The following KIF9 variants were observed in gnomAD, a reference collection of about 807,000 sequenced individuals.
KIF9 encodes kinesin family member 9, also known as kinesin-like protein KIF9.
Under a neutral mutation model 94.8 loss-of-function variants are expected in KIF9, and 68 were observed. That is an observed-to-expected ratio of 0.72 (90% CI 0.59 to 0.88). KIF9 has a LOEUF of 0.88. Among genes scored for constraint, KIF9 ranks in the 40% least tolerant of loss-of-function variants. The pLI is 0.00. For missense variants in KIF9, 882 were observed against 982.5 expected (o/e 0.90, Z 1.37); for synonymous variants, 343 against 362.1 (o/e 0.95, Z 0.60).
At chr3:47,261,944 AAT>A (rs1701001145) in intron 9 of KIF9, among the ~76,000 whole-genome samples, 1 of 152,216 alleles carries the variant, frequency 6.6e-6, no homozygotes, top group Non-Finnish European at 1.5e-5. Context: ...CCATGATGAG[AAT>A]AGTTTTAAAG....
At chr3:47,251,704 C>T (rs1399551638) in intron 10 of KIF9, among the ~76,000 whole-genome samples, 3 of 152,190 alleles carry the variant, frequency 2.0e-5, no homozygotes, top group Admixed American at 6.5e-5. Flanking sequence ...GCTTAAGCTG[C>T]ACATCAGGCT....
intron 12 of KIF9, 92 bp downstream of exon 12, chr3:47,247,281 G>A: frequency 1.2e-6 from 1 of 816,156 alleles, no homozygotes; most frequent in Non-Finnish European, 2.1e-6. Flanking sequence ...ATTCACATGA[G>A]GCTCTGAGGC....
intron 4 of KIF9, among the ~76,000 whole-genome samples, chr3:47,273,219 G>C (rs1307667335): frequency 6.6e-6 from 1 of 152,160 alleles, no homozygotes. Flanking sequence ...CCAGGAAAGA[G>C]AATGATTAGG....
intron 20 of KIF9, among the ~76,000 whole-genome samples, chr3:47,230,176 G>C (rs1408692745): frequency 6.6e-6 from 1 of 152,088 alleles, no homozygotes; most frequent in Non-Finnish European, 1.5e-5. Flanking sequence ...ACTTTGGGAA[G>C]CTGAGGTGAG....
chr3:47,282,348 G>GCC, intron 1 of KIF9, 147 bp downstream of exon 1: 1 of 986,018 alleles, frequency 1.0e-6, no homozygotes, highest in Non-Finnish European at 1.2e-6. Context: ...GCGACGTCGA[G>GCC]CCCTCCTTCG....
intron 1 of KIF9, among the ~76,000 whole-genome samples, chr3:47,280,317 C>T (rs1702248342): frequency 6.6e-6 from 1 of 152,174 alleles, no homozygotes; most frequent in African/African-American, 2.4e-5. Context: ...GGGTATGCTC[C>T]GAAAGGGACC....
chr3:47,264,748 G>A (rs540853300), intron 8 of KIF9, among the ~76,000 whole-genome samples: 1 of 152,282 alleles, frequency 6.6e-6, no homozygotes, highest in East Asian at 1.9e-4. Context: ...AAGACTGAAT[G>A]TTTTTGTCCT....
intron 10 of KIF9, among the ~76,000 whole-genome samples, chr3:47,255,086 G>A (rs543658035): frequency 1.3e-5 from 2 of 152,162 alleles, no homozygotes; most frequent in Non-Finnish European, 1.5e-5. Flanking sequence ...CTGGTTTGTC[G>A]AGCTTAGGGC....
intron 18 of KIF9, 124 bp from the exon 19 acceptor site, chr3:47,236,273 C>A: frequency 1.0e-6 from 1 of 980,062 alleles, no homozygotes; most frequent in Non-Finnish European, 1.6e-6. Flanking sequence ...ACCCTGTCCC[C>A]ATCTCCATCT....
At chr3:47,257,306 T>TAAGG (rs1700683562) in intron 10 of KIF9, among the ~76,000 whole-genome samples, 177 bp downstream of exon 10, 1 of 152,112 alleles carries the variant, frequency 6.6e-6, no homozygotes, top group African/African-American at 2.4e-5. Flanking sequence ...TGACAGCCCC[T>TAAGG]AAGGGTCTCC....
intron 10 of KIF9, among the ~76,000 whole-genome samples, chr3:47,254,941 A>T (rs1365475387): frequency 2.6e-5 from 4 of 152,200 alleles, no homozygotes; most frequent in African/African-American, 9.7e-5. Context: ...CAGTCAGGTG[A>T]TTCTGATGCC....
chr3:47,241,682 T>C lies in KIF9; in HGVS notation c.1710-667A>G, dbSNP rs183918662. On this transcript the variant is annotated intron_variant, in intron 16 of 20. Transcript: ENST00000684063. ...ATATGTGTGTGTGTGTATATACATA[T>C]ATGCATATATACATATATGCATACA... Among the ~76,000 whole-genome samples the C allele has an allele frequency of 1.7e-3, 258 of 150,202 alleles. 2 individuals carry two copies. The highest frequency in any genetic ancestry group is 6.1e-3 in the African/African-American group (248 of 40,892).
chr3:47,235,105 C>A (rs1230992962), intron 20 of KIF9, among the ~76,000 whole-genome samples: 2 of 152,198 alleles, frequency 1.3e-5, no homozygotes, highest in Non-Finnish European at 2.9e-5. Context: ...GCCTAACCTG[C>A]TCGAGGAGGA....
chr3:47,247,163 G>C lies in KIF9; in HGVS notation c.1233+210C>G, dbSNP rs553383997. Among the ~76,000 whole-genome samples, 3 of 152,214 alleles carry C rather than the reference G, an allele frequency of 2.0e-5. No homozygotes were observed. The East Asian group carries it at 5.8e-4, about 29-fold the overall frequency. On this transcript the variant is annotated intron_variant, in intron 12 of 20. Coordinates refer to ENST00000684063, the MANE Select transcript of KIF9 (RefSeq NM_182902.4). ...CTCAGCAAAGAGGCAGCTGAGCTGG[G>C]ATTCAATCCTAGAAAGCCTGGCTCT...
At chr3:47,247,533 G>A (rs570754890) in intron 11 of KIF9, 56 bp from the exon 12 acceptor site, 266 of 1,362,902 alleles carry the variant, frequency 2.0e-4, no homozygotes, top group Non-Finnish European at 2.5e-4. Flanking sequence ...GCCCACAGGG[G>A]AGTGGCAGGG....
chr3:47,230,627 A>G (rs903309486), intron 20 of KIF9, among the ~76,000 whole-genome samples: 2 of 152,006 alleles, frequency 1.3e-5, no homozygotes, highest in African/African-American at 4.8e-5. Flanking sequence ...GCTACTCAGG[A>G]GGCCGAGGAA....
chr3:47,240,842 T>C lies in KIF9; in HGVS notation c.1883A>G (p.Lys628Arg). 1 of 1,614,196 alleles carries C rather than the reference T, an allele frequency of 6.2e-7. No individual in the cohort carries two copies. Among genetic ancestry groups the C allele is most frequent in the Non-Finnish European group, 8.5e-7 (1 of 1,180,012 alleles). Residue 628 changes from lysine to arginine, a missense_variant, in exon 17 of 21, where the codon AAG (lysine) becomes AGG (arginine). Lys to Arg is a conservative substitution (Grantham distance 26). Transcript: ENST00000684063. Reference protein sequence around the residue: ...NAIKREIDVTKEALNFQKSLR... With the variant: ...NAIKREIDVTREALNFQKSLR... ...TGACTTCTGGAAATTCAGGGCCTCC[T>C]TGGTCACATCAATCTCCCGCTTGAT...
chr3:47,242,758 T>A (rs1699659225), intron 16 of KIF9, among the ~76,000 whole-genome samples: 1 of 152,218 alleles, frequency 6.6e-6, no homozygotes, highest in Admixed American at 6.5e-5. Context: ...TTAAAATTTT[T>A]AAATCTTTTG....
At chr3:47,256,490 A>C (rs541236657) in intron 10 of KIF9, among the ~76,000 whole-genome samples, 61 of 148,888 alleles carry the variant, frequency 4.1e-4, no homozygotes, top group African/African-American at 1.5e-3. Context: ...AGCCCCCGCC[A>C]GGCCAGCCGC....
Sources: allele counts gnomAD v4.1 joint callset (sites outside exome capture counted in the v4.1 genomes callset), GRCh38; gene constraint gnomAD v4.1.1; transcripts MANE v1.5; gene names NCBI Gene and HGNC (gene_info 2026-07-23, HGNC 2026-07-21).